Variants in SOX5 observed in about 807,000 individuals in gnomAD.
SOX5 encodes the protein SRY-box transcription factor 5.
SOX5 carries 9 observed loss-of-function variants against 92.0 expected under a neutral mutation model. The ratio of observed to expected loss-of-function variants is 0.10; its 90% CI spans 0.06 to 0.17. The LOEUF is 0.17. SOX5 is among the 10% of genes least tolerant of loss of function. SOX5 has a pLI of 1.00. For synonymous variants in SOX5, 344 were observed against 336.3 expected (o/e 1.02, Z -0.25); for missense variants, 642 against 944.5 (o/e 0.68, Z 4.20).
In SOX5 at chr12:23,672,983, A is replaced by T. The variant is rs75986887; in HGVS notation, c.811-7419T>A. ...AATTCATATCAAATTTCAAAAAATG[A>T]TGACATGTATTATAAATACAATACA... On this transcript the variant is annotated intron_variant, in intron 6 of 14. Transcript: ENST00000451604. Among the ~76,000 whole-genome samples the T allele has an allele frequency of 3.1e-3, 468 of 152,276 alleles. 3 individuals are homozygous for T. Among genetic ancestry groups the T allele is most frequent in the African/African-American group, 0.011 (444 of 41,588 alleles).
chr12:23,962,773 C>T (rs552238432), intron 4 of SOX5, among the ~76,000 whole-genome samples: 1 of 152,062 alleles, frequency 6.6e-6, no homozygotes, highest in Admixed American at 6.5e-5. Flanking sequence ...CGATTTGAGT[C>T]TTATTTTTGA....
chr12:23,801,388 GT>G (rs373846810), intron 3 of SOX5, among the ~76,000 whole-genome samples: 1 of 152,104 alleles, frequency 6.6e-6, no homozygotes, highest in South Asian at 2.1e-4. Context: ...TAAACCTGCA[GT>G]TTTTTAAAGG....
At chr12:24,070,944 CA>C (rs1360463548) in intron 4 of SOX5, among the ~76,000 whole-genome samples, 4 of 152,092 alleles carry the variant, frequency 2.6e-5, no homozygotes, top group African/African-American at 4.8e-5. Context: ...GCCTAATCAC[CA>C]AAGGTTAGTT....
intron 6 of SOX5, among the ~76,000 whole-genome samples, chr12:23,690,093 T>C (rs977856686): frequency 6.6e-6 from 1 of 152,224 alleles, no homozygotes; most frequent in Non-Finnish European, 1.5e-5. Context: ...CACTAATTCC[T>C]ATTCAACATT....
At chr12:23,935,456 A>C (rs977834754) in intron 1 of SOX5, among the ~76,000 whole-genome samples, 8 of 151,258 alleles carry the variant, frequency 5.3e-5, no homozygotes, top group African/African-American at 1.2e-4. Flanking sequence ...AAGCAAAAAT[A>C]CTGCCTGTCT....
chr12:23,710,661 TC>T (rs2091960870), intron 6 of SOX5, among the ~76,000 whole-genome samples: 1 of 152,248 alleles, frequency 6.6e-6, no homozygotes, highest in African/African-American at 2.4e-5. Context: ...TTGGGTTGGT[TC>T]CAAGTCTTTG....
chr12:24,432,360 T>C (rs1432467373), intron 1 of SOX5, among the ~76,000 whole-genome samples: 7 of 152,152 alleles, frequency 4.6e-5, no homozygotes, highest in Admixed American at 4.6e-4. Flanking sequence ...CTGAGCACAG[T>C]GACTGTCACG....
At chr12:23,682,768 TGTATAAA>T (rs2086834031) in intron 6 of SOX5, among the ~76,000 whole-genome samples, 1 of 151,746 alleles carries the variant, frequency 6.6e-6, no homozygotes, top group Non-Finnish European at 1.5e-5. Flanking sequence ...AATACATACA[TGTATAAA>T]AATGTTTTTC....
In SOX5 at chr12:23,755,719, G is replaced by C. The variant is rs1315601621; in HGVS notation, c.487C>G (p.Pro163Ala). ...TTTGAGAGTAGTTTTTCAATACTGG[G>C]GGTTTCTAAGTAAAGAAAAAAAGAA... Reference protein sequence around the residue: ...ELIKNEPEETPSIEKLLSKDW... With the variant: ...ELIKNEPEETASIEKLLSKDW... The change falls in exon 4 of 15, where the codon CCC (proline) becomes GCC (alanine). Residue 163 changes from proline to alanine, a missense_variant. By Grantham distance (27) the Pro-to-Ala change is conservative (BLOSUM62 -1). This residue lies in a region of SOX5 where 324 missense variants were observed against 461.6 expected (regional missense o/e 0.70). Coordinates refer to ENST00000451604, the MANE Select transcript of SOX5 (RefSeq NM_006940.6). 2 of 1,560,742 alleles carry C rather than the reference G, an allele frequency of 1.3e-6. No homozygotes were observed. The highest frequency in any genetic ancestry group is 1.7e-6 in the Non-Finnish European group (2 of 1,156,110).
At chr12:23,893,584 T>C (rs1180363161) in intron 2 of SOX5, among the ~76,000 whole-genome samples, 1 of 152,228 alleles carries the variant, frequency 6.6e-6, no homozygotes, top group Admixed American at 6.5e-5. Context: ...TCATCTTCCA[T>C]TTATCTTTCT....
At chr12:24,339,125 CCTGT>C (rs1345930739) in intron 2 of SOX5, among the ~76,000 whole-genome samples, 3 of 148,080 alleles carry the variant, frequency 2.0e-5, no homozygotes, top group African/African-American at 5.0e-5. Flanking sequence ...ATAATCCCTG[CCTGT>C]CTGTCTCTGT....
intron 6 of SOX5, among the ~76,000 whole-genome samples, chr12:23,730,283 C>G (rs902358707): frequency 6.6e-6 from 1 of 152,118 alleles, no homozygotes; most frequent in Non-Finnish European, 1.5e-5. Context: ...TTACAAATTT[C>G]ATCTATTAAT....
At chr12:23,914,356 T>C (rs987270923) in intron 1 of SOX5, among the ~76,000 whole-genome samples, 79 of 152,282 alleles carry the variant, frequency 5.2e-4, no homozygotes, top group African/African-American at 1.8e-3. Flanking sequence ...GTTATAATAG[T>C]AGTTGGAATT....
chr12:24,431,736 A>C (rs1311424711), intron 1 of SOX5, among the ~76,000 whole-genome samples: 1 of 152,182 alleles, frequency 6.6e-6, no homozygotes, highest in Admixed American at 6.5e-5. Flanking sequence ...CTTGGTACCC[A>C]AGAAGGGAAT....
At position 23,757,314 on chromosome 12, in the gene SOX5, A is replaced by ATTTACT. The variant is rs770165020; in HGVS notation, c.482-1596_482-1591dup. On this transcript the variant is annotated intron_variant, in intron 3 of 14. Transcript: ENST00000451604. ...ACATTTAAGGAACTAATACCGAAAA[A>ATTTACT]TTTACTTTTAAGTTTTCTTAAAATA... is the stretch of plus-strand genomic sequence containing the variant. Among the ~76,000 whole-genome samples, 137 of 152,078 alleles carry ATTTACT rather than the reference A, an allele frequency of 9.0e-4. 1 individual carries two copies. The highest frequency in any genetic ancestry group is 3.4e-3 in the Middle Eastern group (1 of 294).
intron 6 of SOX5, among the ~76,000 whole-genome samples, chr12:23,685,078 A>C (rs1440163694): frequency 6.6e-6 from 1 of 152,110 alleles, no homozygotes; most frequent in Non-Finnish European, 1.5e-5. Context: ...ATCATGTCAC[A>C]CTTCATAGGT....
chr12:24,329,258 G>C (rs1020063326), intron 2 of SOX5, among the ~76,000 whole-genome samples: 8 of 152,144 alleles, frequency 5.3e-5, no homozygotes, highest in Non-Finnish European at 1.0e-4. Context: ...TATAAAGAAA[G>C]GAGTTTTAAT....
chr12:23,591,059 T>C (rs1454205378), intron 9 of SOX5, among the ~76,000 whole-genome samples: 1 of 151,600 alleles, frequency 6.6e-6, no homozygotes, highest in East Asian at 1.9e-4. Context: ...TTATTTCTTT[T>C]TGTCTTATTA....
At chr12:23,994,092 C>A (rs1050026163) in intron 4 of SOX5, among the ~76,000 whole-genome samples, 1 of 151,918 alleles carries the variant, frequency 6.6e-6, no homozygotes, top group Admixed American at 6.6e-5. Flanking sequence ...CACTGCACTC[C>A]AGCCTGGGCA....
Sources: gnomAD v4.1 joint callset for allele counts (sites outside exome capture counted in the v4.1 genomes callset) on GRCh38, gnomAD v4.1.1 for gene constraint, gnomAD v4.1.1 regional missense constraint, MANE v1.5 for transcripts, NCBI Gene and HGNC (gene_info 2026-07-23, HGNC 2026-07-21) for gene names.